RUFY3: variants seen among roughly 807,000 people sequenced by gnomAD.
RUFY3 encodes the protein protein RUFY3.
Under a neutral mutation model 84.0 loss-of-function variants are expected in RUFY3, and 34 were observed. The observed-to-expected ratio is 0.40, with a 90% CI of 0.31 to 0.54. The LOEUF is 0.54. Ranked by LOEUF, RUFY3 falls within the 20% of genes least tolerant of loss-of-function variation. The probability of loss-of-function intolerance (pLI) is 0.39; values close to 1 mark genes in which losing one functional copy is unlikely to be tolerated. For missense variants in RUFY3, 507 were observed against 736.8 expected, an observed-to-expected ratio of 0.69 and a Z score of 3.61; for synonymous variants, 242 against 252.9, an observed-to-expected ratio of 0.96 and a Z score of 0.41.
chr4:70,760,990 C>T (rs1361850808), intron 1 of RUFY3, among the ~76,000 whole-genome samples: 1 of 152,104 alleles, frequency 6.6e-6, no homozygotes, highest in Non-Finnish European at 1.5e-5. Flanking sequence ...AAATAAAAAC[C>T]TTGTATGAAG....
At chr4:70,776,896 G>A (rs1578181245) in intron 7 of RUFY3, among the ~76,000 whole-genome samples, 1 of 152,176 alleles carries the variant, frequency 6.6e-6, no homozygotes, top group Admixed American at 6.5e-5. Flanking sequence ...CTGTCCTTAC[G>A]ACAATTCAGT....
chr4:70,739,611 G>C (rs985245709), intron 1 of RUFY3, among the ~76,000 whole-genome samples: 9 of 148,818 alleles, frequency 6.0e-5, no homozygotes, highest in Non-Finnish European at 1.2e-4. Flanking sequence ...TCTGTCACTT[G>C]GTTGCCTATA....
At chr4:70,772,152 T>C (rs1727072541) in intron 5 of RUFY3, among the ~76,000 whole-genome samples, 1 of 150,772 alleles carries the variant, frequency 6.6e-6, no homozygotes, top group Non-Finnish European at 1.5e-5. Context: ...ATTGTGTATA[T>C]ATATAGTATA....
At chr4:70,732,957 T>C (rs1424927356) in intron 1 of RUFY3, among the ~76,000 whole-genome samples, 3 of 151,408 alleles carry the variant, frequency 2.0e-5, no homozygotes, top group Admixed American at 6.6e-5. Context: ...ATCCCAGCTA[T>C]GTGGGAGGCC....
chr4:70,733,306 A>T (rs1415185740), intron 1 of RUFY3, among the ~76,000 whole-genome samples: 2 of 152,206 alleles, frequency 1.3e-5, no homozygotes, highest in Admixed American at 1.3e-4. Flanking sequence ...TAAGTTTAGA[A>T]TAATGTAATA....
At chr4:70,711,186 TG>T (rs1740961502) in intron 1 of RUFY3, among the ~76,000 whole-genome samples, 1 of 151,624 alleles carries the variant, frequency 6.6e-6, no homozygotes, top group African/African-American at 2.4e-5. Flanking sequence ...CTTGGACTCC[TG>T]GGCTCAGGTG....
chr4:70,800,277 A>T, intron 15 of RUFY3, 72 bp downstream of exon 15: 1 of 1,118,872 alleles, frequency 8.9e-7, no homozygotes, highest in Admixed American at 2.5e-5. Flanking sequence ...AGTTCTTTAT[A>T]TACATTGGCA....
chr4:70,722,216 C>T lies in RUFY3; in HGVS notation c.-358C>T. 1.6e-6 allele frequency: 2 copies of T among 1,229,410 alleles called. No homozygotes were observed. Among genetic ancestry groups the T allele is most frequent in the Non-Finnish European group, 1.0e-6 (1 of 987,302 alleles). The allele number at this position is 1,229,410 out of a possible 1,614,324, so 76.2% of individuals were successfully genotyped here. ...GCCAGATTTTTAAAGCCAGCTAAGG[C>T]AGCATCAGCTGTGCGGGATTTAAAG... On this transcript the variant is annotated 5_prime_UTR_variant, in exon 1 of 18. Transcript: ENST00000381006.
At position 70,716,428 on chromosome 4, in the gene RUFY3, G is replaced by A. The variant is rs1317500230; in HGVS notation, c.358+11134G>A. ...CCCGAAGTGCTGGGATTACAGACGT[G>A]AGCCGCCGCGCCCTGCCGAATCAGA... On this transcript the variant is annotated intron_variant, in intron 1 of 11. Coordinates refer to the RUFY3 transcript ENST00000417478. 7.2e-5 allele frequency among the ~76,000 whole-genome samples: 11 copies of A among 152,254 alleles called. No individual in the cohort carries two copies. The East Asian group carries it at 2.1e-3, about 29-fold the overall frequency.
chr4:70,805,814 A>T (rs1732775146), intron 17 of RUFY3, among the ~76,000 whole-genome samples: 1 of 152,230 alleles, frequency 6.6e-6, no homozygotes, highest in Non-Finnish European at 1.5e-5. Flanking sequence ...TGAAGGTAGC[A>T]CTTCATGGGA....
At chr4:70,720,103 G>A (rs1742097035), upstream of RUFY3, among the ~76,000 whole-genome samples, 1 of 152,184 alleles carries the variant, frequency 6.6e-6, no homozygotes, top group Non-Finnish European at 1.5e-5. Context: ...ACAGGGTAGA[G>A]TGCAGTGGTA....
In RUFY3 at chr4:70,803,070, C is replaced by T. The variant is rs528841935; in HGVS notation, c.1650+87C>T. ...TAGCCAGCAAATAAGGTAGCATGGG[C>T]GGAAGATGAGTGAATACAGTGTGCC... On this transcript the variant is annotated intron_variant, in intron 16 of 17. Transcript: ENST00000381006. The T allele has an allele frequency of 1.7e-5, 16 of 953,436 alleles. No individual in the cohort carries two copies. The African/African-American group carries it at 1.8e-4, about 11-fold the overall frequency. 59.1% of individuals were successfully genotyped at this position (953,436 alleles called of 1,614,324 possible). A position where few individuals can be genotyped will look rare whatever the true frequency, so the allele number is the denominator to read the frequency against.
intron 10 of RUFY3, among the ~76,000 whole-genome samples, chr4:70,787,052 C>G (rs1729933177): frequency 6.7e-6 from 1 of 150,202 alleles, no homozygotes; most frequent in Non-Finnish European, 1.5e-5. Flanking sequence ...TGCCTGTATT[C>G]CCAGCTACTT....
chr4:70,772,206 A>G (rs577161003), intron 5 of RUFY3, among the ~76,000 whole-genome samples: 88 of 151,982 alleles, frequency 5.8e-4, no homozygotes, highest in Non-Finnish European at 1.2e-3. Context: ...TCAAGAATCA[A>G]CTGTACAGTT....
intron 8 of RUFY3, among the ~76,000 whole-genome samples, chr4:70,779,584 C>CT (rs779419538): frequency 0.013 from 1,736 of 130,472 alleles, 12 homozygotes; most frequent in Non-Finnish European, 0.019. Context: ...ATTTCTTTTT[C>CT]TTTTTTTTTT....
chr4:70,746,958 G>T lies in RUFY3; in HGVS notation c.179-15561G>T, dbSNP rs76324552. On this transcript the variant is annotated intron_variant, in intron 1 of 17. Transcript: ENST00000381006. ...CATCAATATGGGGGATCCTTGTCGT[G>T]ATGGAAATGTTCAGTGTCTTGACTG... Among the ~76,000 whole-genome samples the T allele has an allele frequency of 7.6e-3, 1,164 of 152,296 alleles. 13 individuals are homozygous for T. The highest frequency in any genetic ancestry group is 0.027 in the African/African-American group (1,125 of 41,566).
At chr4:70,779,736 C>A (rs1728589582) in intron 8 of RUFY3, among the ~76,000 whole-genome samples, 1 of 151,994 alleles carries the variant, frequency 6.6e-6, no homozygotes, top group Non-Finnish European at 1.5e-5. Context: ...GCACACACCA[C>A]CACACCTGGC....
upstream of RUFY3, among the ~76,000 whole-genome samples, chr4:70,721,086 G>A (rs542426590): frequency 4.6e-5 from 7 of 152,202 alleles, no homozygotes; most frequent in Admixed American, 1.3e-4. Context: ...GGCTGAGGTG[G>A]GAGGATCATG....
chr4:70,707,318 G>T (rs1279616578), intron 1 of RUFY3, among the ~76,000 whole-genome samples: 1 of 152,178 alleles, frequency 6.6e-6, no homozygotes, highest in Non-Finnish European at 1.5e-5. Context: ...GAGTGCAGTG[G>T]CATGACCTCT....
Sources: gnomAD v4.1 joint callset for allele counts (sites outside exome capture counted in the v4.1 genomes callset) on GRCh38, gnomAD v4.1.1 for gene constraint, MANE v1.5 for transcripts, NCBI Gene and HGNC (gene_info 2026-07-23, HGNC 2026-07-21) for gene names.